Variants in ENOX1 observed in about 807,000 individuals in gnomAD.
The protein encoded by ENOX1 is candidate growth-related and time keeping constitutive hydroquinone (NADH) oxidase.
Under a neutral mutation model 82.5 loss-of-function variants are expected in ENOX1, and 42 were observed. The observed-to-expected ratio is 0.51, with a 90% confidence interval of 0.40 to 0.66. ENOX1 has a LOEUF of 0.66. Ranked by LOEUF, ENOX1 falls within the 30% of genes least tolerant of loss-of-function variation. ENOX1 has a pLI of 0.00. For missense variants in ENOX1, 608 were observed against 811.6 expected, an observed-to-expected ratio of 0.75 and a Z score of 3.05; for synonymous variants, 271 against 282.2, an observed-to-expected ratio of 0.96 and a Z score of 0.40.
At chr13:43,403,394 A>G (rs1437518650) in intron 5 of ENOX1, among the ~76,000 whole-genome samples, 2 of 152,260 alleles carry the variant, frequency 1.3e-5, no homozygotes, top group East Asian at 1.9e-4. Flanking sequence ...AAAGTTTGTA[A>G]CATCTCTAGC....
intron 2 of ENOX1, chr13:43,609,812 G>T: frequency 4.6e-6 from 2 of 436,718 alleles, no homozygotes; most frequent in Non-Finnish European, 3.0e-6. Flanking sequence ...AATGTAAGGT[G>T]TATCAACACA....
intron 9 of ENOX1, among the ~76,000 whole-genome samples, chr13:43,343,716 C>CA (rs2049200605): frequency 6.6e-6 from 1 of 152,174 alleles, no homozygotes; most frequent in African/African-American, 2.4e-5. Flanking sequence ...GTCACTACCA[C>CA]ATAGGGCCCT....
intron 5 of ENOX1, among the ~76,000 whole-genome samples, chr13:43,407,486 T>C (rs9525769): frequency 0.2 from 29,777 of 152,060 alleles, 3,525 homozygotes; most frequent in East Asian, 0.51. Flanking sequence ...GTTTGTTACA[T>C]AGGTATACAT....
At chr13:43,763,604 A>AC (rs1490159382) in intron 1 of ENOX1, among the ~76,000 whole-genome samples, 8 of 152,064 alleles carry the variant, frequency 5.3e-5, no homozygotes, top group African/African-American at 1.9e-4. Context: ...TACAACCCCA[A>AC]CCTCAGTTCA....
intron 2 of ENOX1, among the ~76,000 whole-genome samples, chr13:43,497,955 A>C (rs988133417): frequency 7.9e-5 from 12 of 152,030 alleles, no homozygotes; most frequent in Non-Finnish European, 1.6e-4. Flanking sequence ...AGATTTAGTA[A>C]ATTTTATCTT....
chr13:43,619,131 C>T (rs2082615710), intron 2 of ENOX1, among the ~76,000 whole-genome samples: 1 of 151,934 alleles, frequency 6.6e-6, no homozygotes, highest in Non-Finnish European at 1.5e-5. Flanking sequence ...GTTCTAGAAC[C>T]TTTCTGGAGG....
chr13:43,610,520 CTCTT>C (rs759393153), intron 2 of ENOX1, among the ~76,000 whole-genome samples: 4 of 152,188 alleles, frequency 2.6e-5, no homozygotes, highest in Non-Finnish European at 5.9e-5. Context: ...AAGTATGTCT[CTCTT>C]TATGCTTAGT....
chr13:43,535,764 T>C (rs779700215), intron 2 of ENOX1, among the ~76,000 whole-genome samples: 2 of 152,224 alleles, frequency 1.3e-5, no homozygotes, highest in Non-Finnish European at 2.9e-5. Flanking sequence ...AAATCCCTGC[T>C]AAAATATTAT....
rs761600320 is a variant in ENOX1 at position 43,355,968 on chromosome 13, T to A, written c.774A>T (p.Ile258=). 65 of 1,613,862 alleles carry A rather than the reference T, an allele frequency of 4.0e-5. No homozygotes were observed. Among genetic ancestry groups the A allele is most frequent in the Admixed American group, 8.3e-5 (5 of 60,004 alleles). ...DRLRPPSPPA[I]MHYSEHEAAL... is the part of the protein sequence containing the mutation. ...CGGCTTCGTGCTCCGAGTAGTGCAT[T>A]ATGGCAGGCGGGGATGGGGGCCTGA... is the stretch of plus-strand genomic sequence containing the variant. The change falls in exon 8 of 17, where the codon ATA becomes ATT. Residue 258 remains isoleucine, a synonymous_variant. Coordinates refer to ENST00000690772, the MANE Select transcript of ENOX1 (RefSeq NM_001347969.2).
At chr13:43,675,832 T>A (rs1566750850) in intron 1 of ENOX1, among the ~76,000 whole-genome samples, 1 of 152,194 alleles carries the variant, frequency 6.6e-6, no homozygotes, top group African/African-American at 2.4e-5. Context: ...CATTCTCGGA[T>A]GAGGTAAGGG....
chr13:43,538,747 A>G (rs1337438343), intron 2 of ENOX1, among the ~76,000 whole-genome samples: 2 of 152,108 alleles, frequency 1.3e-5, no homozygotes, highest in Admixed American at 6.5e-5. Context: ...CCACCTGGCT[A>G]TAGTTTTAGT....
chr13:43,232,154 G>C (rs1593448223), intron 15 of ENOX1, among the ~76,000 whole-genome samples: 1 of 119,190 alleles, frequency 8.4e-6, no homozygotes, highest in Admixed American at 1.2e-4. Flanking sequence ...GGCTGGTCTT[G>C]AACTCCTGAG....
At chr13:43,263,582 A>G (rs970010093) in intron 14 of ENOX1, among the ~76,000 whole-genome samples, 6 of 152,250 alleles carry the variant, frequency 3.9e-5, no homozygotes, top group Non-Finnish European at 7.3e-5. Context: ...AGGCCTGTCT[A>G]TACATGTATC....
At chr13:43,640,868 ATG>A (rs1190772624) in intron 2 of ENOX1, among the ~76,000 whole-genome samples, 139 of 59,224 alleles carry the variant, frequency 2.3e-3, no homozygotes, top group Middle Eastern at 9.3e-3. Flanking sequence ...ACATACACAC[ATG>A]CACACACACA....
At chr13:43,701,122 G>C (rs1429578310) in intron 1 of ENOX1, among the ~76,000 whole-genome samples, 1 of 152,108 alleles carries the variant, frequency 6.6e-6, no homozygotes, top group African/African-American at 2.4e-5. Flanking sequence ...TTTTTTGCAA[G>C]AGACTCCACG....
intron 2 of ENOX1, among the ~76,000 whole-genome samples, chr13:43,589,401 A>T (rs985470206): frequency 5.3e-5 from 8 of 152,096 alleles, no homozygotes; most frequent in African/African-American, 1.9e-4. Flanking sequence ...TCTCAGGATA[A>T]ATATAGCAAG....
intron 1 of ENOX1, among the ~76,000 whole-genome samples, chr13:43,703,511 G>C (rs1421429205): frequency 6.6e-6 from 1 of 152,172 alleles, no homozygotes; most frequent in Non-Finnish European, 1.5e-5. Flanking sequence ...CTCTGGGAAT[G>C]TTATACGCTT....
intron 1 of ENOX1, among the ~76,000 whole-genome samples, chr13:43,670,324 A>G (rs1172533238): frequency 6.6e-6 from 1 of 152,188 alleles, no homozygotes; most frequent in Non-Finnish European, 1.5e-5. Flanking sequence ...GAACTGCAGA[A>G]AAGCAATTTG....
Position 43,667,714 on chromosome 13 carries a change from G to T in ENOX1, c.-284-170C>A, listed in dbSNP as rs76484377. ...TTGAATGCCCTTGGAGAAGGTCTCCGCATGGTGCTAACTTGGTAACAATCA... is the reference window on the plus strand; with the variant it reads ...TTGAATGCCCTTGGAGAAGGTCTCCTCATGGTGCTAACTTGGTAACAATCA... On this transcript the variant is annotated intron_variant, in intron 1 of 16. Transcript: ENST00000690772. Among the ~76,000 whole-genome samples, 328 of 152,256 alleles carry T rather than the reference G, an allele frequency of 2.2e-3. 1 individual carries two copies. Among genetic ancestry groups the T allele is most frequent in the African/African-American group, 7.7e-3 (322 of 41,558 alleles).
Sources: allele counts gnomAD v4.1 joint callset (sites outside exome capture counted in the v4.1 genomes callset), GRCh38; gene constraint gnomAD v4.1.1; transcripts MANE v1.5; gene names NCBI Gene and HGNC (gene_info 2026-07-23, HGNC 2026-07-21).